The following NAALADL2 variants were observed in gnomAD, a reference collection of about 807,000 sequenced individuals.
NAALADL2 encodes the protein N-acetylated alpha-linked acidic dipeptidase like 2, also known as inactive N-acetylated-alpha-linked acidic dipeptidase-like protein 2.
In NAALADL2, 76 loss-of-function variants were observed where a neutral mutation model predicts 87.2. The observed-to-expected ratio is 0.87, with a 90% confidence interval of 0.72 to 1.05. The LOEUF is 1.05. NAALADL2 is among the 50% of genes least tolerant of loss of function. NAALADL2 has a pLI of 0.00. For missense variants in NAALADL2, 1,089 were observed against 945.8 expected, an observed-to-expected ratio of 1.15 and a Z score of -1.99; for synonymous variants, 354 against 331.0, an observed-to-expected ratio of 1.07 and a Z score of -0.75.
chr3:175,760,538 T>C (rs1425162095), intron 13 of NAALADL2, among the ~76,000 whole-genome samples: 1 of 152,184 alleles, frequency 6.6e-6, no homozygotes, highest in African/African-American at 2.4e-5. Context: ...TGAAAGTATG[T>C]TGAAAATTAC....
intron 5 of NAALADL2, among the ~76,000 whole-genome samples, chr3:175,423,383 A>T (rs1227883498): frequency 2.6e-5 from 4 of 151,486 alleles, no homozygotes; most frequent in African/African-American, 9.7e-5. Flanking sequence ...GTCATTTAAC[A>T]TTAGGTATAT....
At chr3:175,613,201 C>T (rs1248415744) in intron 10 of NAALADL2, among the ~76,000 whole-genome samples, 1 of 152,170 alleles carries the variant, frequency 6.6e-6, no homozygotes, top group East Asian at 1.9e-4. Flanking sequence ...GAGAAAAGAG[C>T]TCTCAGTTAA....
At chr3:174,707,068 A>G (rs1255694726) in intron 2 of NAALADL2, among the ~76,000 whole-genome samples, 1 of 152,238 alleles carries the variant, frequency 6.6e-6, no homozygotes, top group African/African-American at 2.4e-5. Context: ...TGGCCATCAG[A>G]GAAATGCAAA....
intron 1 of NAALADL2, among the ~76,000 whole-genome samples, chr3:175,060,266 G>C (rs1044242536): frequency 6.6e-6 from 1 of 152,146 alleles, no homozygotes; most frequent in Non-Finnish European, 1.5e-5. Flanking sequence ...ATATATTAAA[G>C]TCCCCTTCCT....
chr3:175,562,396 T>C, intron 9 of NAALADL2, among the ~76,000 whole-genome samples: 1 of 152,092 alleles, frequency 6.6e-6, no homozygotes, highest in East Asian at 1.9e-4. Flanking sequence ...ATGTATTATG[T>C]ACATATTATT....
intron 2 of NAALADL2, among the ~76,000 whole-genome samples, chr3:175,221,147 C>T (rs538604167): frequency 1.3e-5 from 2 of 148,460 alleles, no homozygotes; most frequent in African/African-American, 2.5e-5. Flanking sequence ...TGCAGTGAGC[C>T]GAGATTGTGC....
intron 1 of NAALADL2, among the ~76,000 whole-genome samples, chr3:174,902,518 G>A (rs769771440): frequency 1.1e-4 from 17 of 151,816 alleles, no homozygotes; most frequent in Non-Finnish European, 1.6e-4. Context: ...AAAGACAATC[G>A]CGTGATTAAA....
chr3:174,942,895 T>G (rs959506611), intron 1 of NAALADL2, among the ~76,000 whole-genome samples: 2 of 152,220 alleles, frequency 1.3e-5, no homozygotes, highest in Admixed American at 1.3e-4. Context: ...TCCATTAGCT[T>G]CTTTTTTATA....
chr3:175,791,604 C>T (rs1046938341), intron 13 of NAALADL2, among the ~76,000 whole-genome samples: 1 of 151,946 alleles, frequency 6.6e-6, no homozygotes, highest in Admixed American at 6.6e-5. Flanking sequence ...GCAATGGTGG[C>T]AGTGGGGGTA....
intron 3 of NAALADL2, among the ~76,000 whole-genome samples, chr3:174,845,486 G>A (rs903156024): frequency 6.6e-6 from 1 of 152,200 alleles, no homozygotes; most frequent in African/African-American, 2.4e-5. Flanking sequence ...CTCTCTGGTA[G>A]GGCAAGACCA....
intron 5 of NAALADL2, among the ~76,000 whole-genome samples, chr3:175,341,692 G>A (rs1450406460): frequency 6.6e-6 from 1 of 152,160 alleles, no homozygotes; most frequent in Admixed American, 6.5e-5. Flanking sequence ...GTTGTGGTTT[G>A]TTATTTTTTA....
At chr3:174,824,623 T>C (rs1441734518) in intron 3 of NAALADL2, among the ~76,000 whole-genome samples, 2 of 152,244 alleles carry the variant, frequency 1.3e-5, no homozygotes, top group South Asian at 2.1e-4. Flanking sequence ...ATAAAGTTAG[T>C]TTAGTTTATT....
rs1440210584 is a variant in NAALADL2, at chr3:174,864,027, A to T, written c.43+4577A>T. ...TTTGCTGGAAAGTCTCATAATCTCA[A>T]AACAAAATCAAGCAAATTTGGAGCA... On this transcript the variant is annotated intron_variant, in intron 1 of 13. Coordinates refer to ENST00000454872, the MANE Select transcript of NAALADL2 (RefSeq NM_207015.3). The T allele has an allele frequency of 8.8e-6, 4 of 455,582 alleles. No homozygotes were observed. The Admixed American group carries it at 9.4e-5, about 11-fold the overall frequency. The allele number at this position is 455,582 out of a possible 1,614,324, so 28.2% of individuals were successfully genotyped here.
intron 1 of NAALADL2, among the ~76,000 whole-genome samples, chr3:174,997,046 A>G (rs906355607): frequency 3.6e-5 from 5 of 139,866 alleles, no homozygotes; most frequent in African/African-American, 8.6e-5. Flanking sequence ...GTGTATGTGT[A>G]TATATATATA....
intron 13 of NAALADL2, among the ~76,000 whole-genome samples, chr3:175,783,857 A>T (rs1021760047): frequency 2.7e-5 from 4 of 146,394 alleles, no homozygotes; most frequent in Admixed American, 2.0e-4. Flanking sequence ...GATAGCTCTT[A>T]TTATTTTGAA....
chr3:174,761,145 A>G (rs1440534348), intron 3 of NAALADL2, among the ~76,000 whole-genome samples: 2 of 152,334 alleles, frequency 1.3e-5, no homozygotes, highest in Admixed American at 6.5e-5. Flanking sequence ...TAAAGAAAAT[A>G]ATTGTTCCAA....
At chr3:175,444,207 C>G (rs1346731779) in intron 5 of NAALADL2, among the ~76,000 whole-genome samples, 2 of 152,098 alleles carry the variant, frequency 1.3e-5, no homozygotes, top group Non-Finnish European at 2.9e-5. Flanking sequence ...GAAGTTTCCG[C>G]AATCATGAAA....
intron 3 of NAALADL2, among the ~76,000 whole-genome samples, chr3:174,765,137 C>CAT: frequency 7.8e-6 from 1 of 128,300 alleles, no homozygotes; most frequent in Non-Finnish European, 1.8e-5. Context: ...CACACACACA[C>CAT]ACACACGAGA....
chr3:175,352,470 G>C (rs188361554), intron 5 of NAALADL2, among the ~76,000 whole-genome samples: 33 of 152,250 alleles, frequency 2.2e-4, no homozygotes, highest in Non-Finnish European at 3.5e-4. Context: ...CAGAGTTAAG[G>C]TGGGTTTAAA....
Sources: allele counts gnomAD v4.1 joint callset (sites outside exome capture counted in the v4.1 genomes callset), GRCh38; gene constraint gnomAD v4.1.1; transcripts MANE v1.5; gene names NCBI Gene and HGNC (gene_info 2026-07-23, HGNC 2026-07-21).